PNRC1: variants seen among roughly 807,000 people sequenced by gnomAD.
The protein encoded by PNRC1 is proline-rich nuclear receptor coactivator 1.
In PNRC1, 6 loss-of-function variants were observed where a neutral mutation model predicts 20.2. The ratio of observed to expected loss-of-function variants is 0.30; its 90% CI spans 0.16 to 0.59. The LOEUF (loss-of-function observed/expected upper bound fraction) is 0.59, where lower values mean the gene tolerates loss of function less well. Ranked by LOEUF, PNRC1 falls within the 20% of genes least tolerant of loss-of-function variation. PNRC1 has a pLI of 0.89. For missense variants in PNRC1, 488 were observed against 430.2 expected, an observed-to-expected ratio of 1.13 and a Z score of -1.19; for synonymous variants, 202 against 186.9, an observed-to-expected ratio of 1.08 and a Z score of -0.66.
Position 89,080,903 on chromosome 6 carries a change from C to T in PNRC1, c.9C>T (p.Val3=). ...ACAAGCTTCCTAGCGCTATGACTGTCGTCTCCGTCCCGCAGCGGGAGCCGC... is the reference window on the plus strand; with the variant it reads ...ACAAGCTTCCTAGCGCTATGACTGTTGTCTCCGTCCCGCAGCGGGAGCCGC... MT[V]VSVPQREPLV... is the part of the protein sequence containing the mutation. Residue 3 remains valine, a synonymous_variant, in exon 1 of 2, where the codon GTC becomes GTT. Transcript: ENST00000336032. 1 of 1,611,244 alleles carries T rather than the reference C, an allele frequency of 6.2e-7. No individual in the cohort carries two copies.
In PNRC1 at chr6:89,083,924, G is replaced by A. The variant is rs1768057611; in HGVS notation, c.712G>A (p.Asp238Asn). ...AAGAAATGAAAACAACTTTTGGCAG[G>A]ATTCTGTTTCATCTGACAGAATTCA... ...AKRNENNFWQ[D>N]SVSSDRIQKQ... Residue 238 changes from aspartate (D) to asparagine (N), a missense_variant, in exon 2 of 2, where the codon GAT becomes AAT. Transcript: ENST00000336032. 1 of 1,614,044 alleles carries A rather than the reference G, an allele frequency of 6.2e-7. No individual in the cohort carries two copies.
In PNRC1 at chr6:89,081,153, G is replaced by A; in HGVS notation, c.259G>A (p.Gly87Arg). 13 of 1,602,174 alleles carry A rather than the reference G, an allele frequency of 8.1e-6. No individual in the cohort carries two copies. The highest frequency in any genetic ancestry group is 1.0e-5 in the Non-Finnish European group (12 of 1,178,512). Reference sequence around the variant, plus strand: ...GCCCAACCGCAGCCTCGCCGTGGCGGGAGGCACTCCTCGGGCAGCGCCGAA... The same window carrying A: ...GCCCAACCGCAGCCTCGCCGTGGCGAGAGGCACTCCTCGGGCAGCGCCGAA... ...ALPNRSLAVA[G>R]GTPRAAPKKR... Residue 87 changes from glycine (G) to arginine (R), a missense_variant, in exon 1 of 2, where the codon GGA (glycine) becomes AGA (arginine). Transcript: ENST00000336032.
rs1582234408 is a variant in PNRC1 at position 89,080,827 on chromosome 6, C to T, written c.-68C>T. 2.8e-6 allele frequency: 4 copies of T among 1,431,806 alleles called. No homozygotes were observed. The highest frequency in any genetic ancestry group is 3.8e-6 in the Non-Finnish European group (4 of 1,065,572). 88.7% of individuals were successfully genotyped at this position (1,431,806 alleles called of 1,614,324 possible). On this transcript the variant is annotated 5_prime_UTR_variant, in exon 1 of 2. Coordinates refer to ENST00000336032, the MANE Select transcript of PNRC1 (RefSeq NM_006813.3). ...CCTAGCAGCATCCATCGCCGCCACC[C>T]TATCTTCACTGGCTTCATTCACCTT...
In PNRC1 at chr6:89,083,735, G is replaced by C. The variant is rs1357801417; in HGVS notation, c.541-18G>C. The C allele has an allele frequency of 6.5e-7, 1 of 1,537,750 alleles. No homozygotes were observed. The highest frequency in any genetic ancestry group is 8.8e-7 in the Non-Finnish European group (1 of 1,138,174). ...TTATCTAGAAACTATATTTACTTTT[G>C]TGTTCTTGTCTTTGTAGGTTTTAAA... On this transcript the variant is annotated intron_variant, in intron 1 of 1. Coordinates refer to ENST00000336032, the MANE Select transcript of PNRC1 (RefSeq NM_006813.3).
chr6:89,082,323 G>C (rs1768020627), intron 1 of PNRC1: 1 of 152,196 alleles, frequency 6.6e-6, no homozygotes, highest in Non-Finnish European at 1.5e-5. Flanking sequence ...TAAGTTCAAT[G>C]ACTTAATCTT....
Position 89,081,405 on chromosome 6 carries a change from G to T in PNRC1, c.511G>T (p.Ala171Ser), listed in dbSNP as rs1186131699. 3.5e-5 allele frequency: 47 copies of T among 1,342,924 alleles called. No individual in the cohort carries two copies. In the East Asian group the frequency reaches 1.4e-3, roughly 39 times the overall value. The allele number at this position is 1,342,924 out of a possible 1,614,324, so 83.2% of individuals were successfully genotyped here. A position where few individuals can be genotyped will look rare whatever the true frequency, so the allele number is the denominator to read the frequency against. The change falls in exon 1 of 2, where the codon GCT (alanine) becomes TCT (serine). Residue 171 changes from alanine (A) to serine (S), a missense_variant. Ala to Ser is a moderately conservative substitution (Grantham distance 99, BLOSUM62 1). Coordinates refer to ENST00000336032, the MANE Select transcript of PNRC1 (RefSeq NM_006813.3). ...SPDLAPLRPA[A>S]PGQTPLRKEV... ...CGACCTTGCCCCGCTGCGGCCCGCG[G>T]CTCCCGGCCAAACCCCCCTCAGGAA...
chr6:89,081,079 G>C lies in PNRC1; in HGVS notation c.185G>C (p.Gly62Ala). ...ACCCTCTTCCTCCCTCATTTCCTAG[G>C]GGGAGATGGCCCGTGTCTGACCCCC... ...PPTLFLPHFL[G>A]GDGPCLTPQP... Residue 62 changes from glycine to alanine, a missense_variant, in exon 1 of 2, where the codon GGG becomes GCG. Gly to Ala is a moderately conservative substitution (Grantham distance 60). Transcript: ENST00000336032. The C allele has an allele frequency of 1.9e-6, 3 of 1,609,994 alleles. No homozygotes were observed. Among genetic ancestry groups the C allele is most frequent in the Non-Finnish European group, 2.5e-6 (3 of 1,179,632 alleles).
intron 1 of PNRC1, chr6:89,082,537 G>C (rs923968701): frequency 1.3e-4 from 20 of 152,206 alleles, no homozygotes; most frequent in African/African-American, 4.8e-4. Context: ...TTCCTGGCCT[G>C]TTTTCTAGAA....
In PNRC1 at chr6:89,080,763, C is replaced by T. The variant is rs1035821572; in HGVS notation, c.-132C>T. 2.4e-6 allele frequency: 2 copies of T among 850,362 alleles called. No individual in the cohort carries two copies. Among genetic ancestry groups the T allele is most frequent in the Non-Finnish European group, 3.7e-6 (2 of 535,294 alleles). The allele number at this position is 850,362 out of a possible 1,614,324, so 52.7% of individuals were successfully genotyped here. On this transcript the variant is annotated 5_prime_UTR_variant, in exon 1 of 2. Transcript: ENST00000336032. ...GCTGTGGCTATTTGTTGCTGCGCCG[C>T]CACCGCCCGAGTCATGTTCCGCGAT...
At position 89,084,105 on chromosome 6, in the gene PNRC1, G is replaced by A; in HGVS notation, c.893G>A (p.Ser298Asn). 6.2e-7 allele frequency: 1 copy of A among 1,614,046 alleles called. No individual in the cohort carries two copies. Among genetic ancestry groups the A allele is most frequent in the Middle Eastern group, 1.6e-4 (1 of 6,062 alleles). Residue 298 changes from serine (S) to asparagine (N), a missense_variant, in exon 2 of 2, where the codon AGT (serine) becomes AAT (asparagine). Transcript: ENST00000336032. ...PSPSVLPKPP[S>N]HWMGSTVENS... Reference sequence around the variant, plus strand: ...CCTAGTGTTCTTCCAAAGCCTCCTAGTCACTGGATGGGAAGCACTGTTGAA... The same window carrying A: ...CCTAGTGTTCTTCCAAAGCCTCCTAATCACTGGATGGGAAGCACTGTTGAA...
In PNRC1 at chr6:89,081,449, G is replaced by A; in HGVS notation, c.540+15G>A. The A allele has an allele frequency of 7.7e-7, 1 of 1,294,118 alleles. No individual in the cohort carries two copies. The highest frequency in any genetic ancestry group is 2.4e-5 in the South Asian group (1 of 42,034). The allele number at this position is 1,294,118 out of a possible 1,614,324, so 80.2% of individuals were successfully genotyped here. ...TCAGGAAAGAGGTGAGGCCGCCAGG[G>A]GGCCGTTGGGGAGTCGGGCCCTTAG... On this transcript the variant is annotated intron_variant, in intron 1 of 1. Transcript: ENST00000336032.
At position 89,084,115 on chromosome 6, in the gene PNRC1, G is replaced by A; in HGVS notation, c.903G>A (p.Met301Ile). 6.2e-7 allele frequency: 1 copy of A among 1,613,072 alleles called. No individual in the cohort carries two copies. The highest frequency in any genetic ancestry group is 8.5e-7 in the Non-Finnish European group (1 of 1,179,646). The change falls in exon 2 of 2, where the codon ATG (methionine) becomes ATA (isoleucine). Residue 301 changes from methionine to isoleucine, a missense_variant. Met to Ile is a conservative substitution (Grantham distance 10). Transcript: ENST00000336032. ...SVLPKPPSHW[M>I]GSTVENSNQN... ...TTCCAAAGCCTCCTAGTCACTGGAT[G>A]GGAAGCACTGTTGAAAATTCCAACC...
chr6:89,080,925 C>T lies in PNRC1; in HGVS notation c.31C>T (p.Pro11Ser). Residue 11 changes from proline (P) to serine (S), a missense_variant, in exon 1 of 2, where the codon CCG becomes TCG. Coordinates refer to ENST00000336032, the MANE Select transcript of PNRC1 (RefSeq NM_006813.3). The part of the protein sequence containing the change: MTVVSVPQRE[P>S]LVLGGRLAPL... ...TGTCGTCTCCGTCCCGCAGCGGGAG[C>T]CGCTCGTCCTGGGTGGCCGCCTTGC... The T allele has an allele frequency of 1.2e-6, 2 of 1,612,648 alleles. No individual in the cohort carries two copies. Among genetic ancestry groups the T allele is most frequent in the Non-Finnish European group, 8.5e-7 (1 of 1,180,014 alleles).
At position 89,084,179 on chromosome 6, in the gene PNRC1, CT is replaced by C. The variant is rs1768064401; in HGVS notation, c.968del (p.Leu323ProfsTer14). 8 of 1,577,850 alleles carry C rather than the reference CT, an allele frequency of 5.1e-6. No homozygotes were observed. The highest frequency in any genetic ancestry group is 6.9e-6 in the Non-Finnish European group (8 of 1,166,418). On this transcript the variant is annotated frameshift_variant, in exon 2 of 2. Coordinates refer to ENST00000336032, the MANE Select transcript of PNRC1 (RefSeq NM_006813.3). LOFTEE classifies it high-confidence loss of function. The part of the protein sequence containing the change: ...ELMAVHLKTL[L>X]KVQT ...GATGGCAGTACACTTAAAAACGCTC[CT>C]CAAAGTTCAAACTTAGATTTCAGAT...
rs5878087 is a variant in PNRC1, at chr6:89,083,002, G to GTT, written c.541-750_541-749dup. 1.1e-3 allele frequency among the ~76,000 whole-genome samples: 171 copies of GTT among 150,126 alleles called. 1 individual carries two copies. The highest frequency in any genetic ancestry group is 1.9e-3 in the South Asian group (9 of 4,778). On this transcript the variant is annotated intron_variant, in intron 1 of 1. Transcript: ENST00000336032. ...AAGTCAAGGGAAATTTAAGTTTTTT[G>GTT]TTGTTTTTTTTTTCTTGAGACAGAG...
intron 1 of PNRC1, among the ~76,000 whole-genome samples, chr6:89,083,530 C>G (rs991947550): frequency 4.6e-5 from 7 of 152,158 alleles, no homozygotes; most frequent in African/African-American, 1.7e-4. Flanking sequence ...CTCCCAAATT[C>G]ACTTGTAAGT....
Position 89,084,290 on chromosome 6 carries a change from C to G in PNRC1, c.*94C>G. ...ACAGAAATGGAAATTTGCCTTGTTGCAACATACAATTGCAAAAGATGAGTT... is the reference window on the plus strand; with the variant it reads ...ACAGAAATGGAAATTTGCCTTGTTGGAACATACAATTGCAAAAGATGAGTT... On this transcript the variant is annotated 3_prime_UTR_variant, in exon 2 of 2. Transcript: ENST00000336032. 1 of 779,690 alleles carries G rather than the reference C, an allele frequency of 1.3e-6. No homozygotes were observed. Among genetic ancestry groups the G allele is most frequent in the South Asian group, 2.0e-5 (1 of 48,802 alleles). The allele number at this position is 779,690 out of a possible 1,614,324, so 48.3% of individuals were successfully genotyped here.
chr6:89,081,442 C>A lies in PNRC1; in HGVS notation c.540+8C>A. 1.6e-6 allele frequency: 2 copies of A among 1,289,624 alleles called. No homozygotes were observed. Among genetic ancestry groups the A allele is most frequent in the East Asian group, 3.3e-5 (1 of 30,368 alleles). 79.9% of individuals were successfully genotyped at this position (1,289,624 alleles called of 1,614,324 possible). On this transcript the variant is annotated splice_region_variant and intron_variant, in intron 1 of 1. Coordinates refer to ENST00000336032, the MANE Select transcript of PNRC1 (RefSeq NM_006813.3). ...ACCCCCCTCAGGAAAGAGGTGAGGC[C>A]GCCAGGGGGCCGTTGGGGAGTCGGG...
chr6:89,082,976 A>G (rs1562173923), intron 1 of PNRC1, among the ~76,000 whole-genome samples: 1 of 151,556 alleles, frequency 6.6e-6, no homozygotes, highest in East Asian at 2.0e-4. Context: ...AGTGAACTTA[A>G]AAGTCAAGGG....
Sources: gnomAD v4.1 joint callset for allele counts (sites outside exome capture counted in the v4.1 genomes callset) on GRCh38, gnomAD v4.1.1 for gene constraint, MANE v1.5 for transcripts, NCBI Gene and HGNC (gene_info 2026-07-23, HGNC 2026-07-21) for gene names.